Variants in ADCY8 observed in about 807,000 individuals in gnomAD.
The protein encoded by ADCY8 is adenylate cyclase type 8.
ADCY8 carries 51 observed loss-of-function variants against 119.7 expected under a neutral mutation model. The observed-to-expected ratio is 0.43, with a 90% confidence interval of 0.34 to 0.54. ADCY8 has a LOEUF of 0.54. Among genes scored for constraint, ADCY8 ranks in the 20% least tolerant of loss-of-function variants. ADCY8 has a pLI of 0.03. For missense variants in ADCY8, 1,383 were observed against 1,598.8 expected, an observed-to-expected ratio of 0.87 and a Z score of 2.30; for synonymous variants, 665 against 651.0, an observed-to-expected ratio of 1.02 and a Z score of -0.33.
At chr8:130,951,847 C>T in intron 3 of ADCY8, 21 bp downstream of exon 3, 1 of 1,613,352 alleles carries the variant, frequency 6.2e-7, no homozygotes, top group Non-Finnish European at 8.5e-7. Context: ...AGAGCCGGGG[C>T]AAGGGTGTTG....
chr8:131,039,789 T>C lies in ADCY8; in HGVS notation c.545A>G (p.Glu182Gly). 1 of 1,614,110 alleles carries C rather than the reference T, an allele frequency of 6.2e-7. No individual in the cohort carries two copies. Among genetic ancestry groups the C allele is most frequent in the Non-Finnish European group, 8.5e-7 (1 of 1,180,012 alleles). Residue 182 changes from glutamate to glycine, a missense_variant, in exon 1 of 18, where the codon GAA becomes GGA. Physicochemically the swap from Glu to Gly is moderately conservative, Grantham distance 98. Around this residue, in one of 2 missense-constraint regions of ADCY8, gnomAD observed 455 missense variants for 435.3 expected, o/e 1.05. Transcript: ENST00000286355. ...CACGTCCAGCACGTTCATCACCACT[T>C]CCGATTTGCGCCTTTGGCCCAAGAA... ...RYFLGQRRKS[E>G]VVMNVLDVLT...
intron 5 of ADCY8, among the ~76,000 whole-genome samples, chr8:130,916,658 C>T (rs1165309032): frequency 6.6e-6 from 1 of 152,228 alleles, no homozygotes; most frequent in Non-Finnish European, 1.5e-5. Context: ...CTGGCCCACC[C>T]AGGGCGGAAA....
intron 1 of ADCY8, among the ~76,000 whole-genome samples, chr8:131,017,774 T>C (rs1205457591): frequency 6.6e-6 from 1 of 151,720 alleles, no homozygotes; most frequent in Non-Finnish European, 1.5e-5. Flanking sequence ...AGCTTCCTTT[T>C]CCCCCTCAGA....
intron 1 of ADCY8, among the ~76,000 whole-genome samples, chr8:131,012,887 C>T (rs1237845096): frequency 6.6e-6 from 1 of 152,204 alleles, no homozygotes; most frequent in African/African-American, 2.4e-5. Flanking sequence ...CCAACCGAAT[C>T]CCTAATAAGC....
chr8:130,893,806 A>C (rs1196861600), intron 7 of ADCY8, among the ~76,000 whole-genome samples: 2 of 131,594 alleles, frequency 1.5e-5, no homozygotes, highest in South Asian at 5.0e-4. Context: ...GTGTGTGTGC[A>C]TGTTTATGCG....
chr8:130,931,630 T>C (rs2130610884), intron 5 of ADCY8, among the ~76,000 whole-genome samples: 1 of 152,292 alleles, frequency 6.6e-6, no homozygotes, highest in South Asian at 2.1e-4. Flanking sequence ...TTCTTTATAC[T>C]TCTTTATTCT....
chr8:130,784,235 T>A (rs1196733505), intron 16 of ADCY8, among the ~76,000 whole-genome samples: 3 of 98,822 alleles, frequency 3.0e-5, no homozygotes, highest in Non-Finnish European at 6.0e-5. Context: ...TGTGTGTGTA[T>A]ATGTGCTCTT....
intron 1 of ADCY8, among the ~76,000 whole-genome samples, chr8:130,995,607 T>G (rs1822748252): frequency 6.6e-6 from 1 of 152,156 alleles, no homozygotes; most frequent in Admixed American, 6.6e-5. Flanking sequence ...CTTCATTAGA[T>G]TTTTATCATT....
chr8:130,983,472 G>A (rs1822299106), intron 2 of ADCY8, among the ~76,000 whole-genome samples: 1 of 152,206 alleles, frequency 6.6e-6, no homozygotes, highest in South Asian at 2.1e-4. Context: ...TGGCAGAGAA[G>A]CAGAGAGGGA....
chr8:130,816,615 CAG>C (rs1816355022), intron 13 of ADCY8, among the ~76,000 whole-genome samples: 1 of 151,788 alleles, frequency 6.6e-6, no homozygotes, highest in Admixed American at 6.6e-5. Context: ...TTAGTAGAGA[CAG>C]GGTTTCACCG....
chr8:130,873,611 C>T (rs140279621), intron 8 of ADCY8, among the ~76,000 whole-genome samples: 1,732 of 152,234 alleles, frequency 0.011, 39 homozygotes, highest in African/African-American at 0.039. Context: ...TGAGCCACTA[C>T]GCCTGGCCAC....
intron 1 of ADCY8, among the ~76,000 whole-genome samples, chr8:131,003,760 G>T (rs1163248030): frequency 6.6e-6 from 1 of 152,130 alleles, no homozygotes; most frequent in East Asian, 1.9e-4. Context: ...TTTAAAACCT[G>T]GAGAGTTCTG....
rs370316114 is a variant in ADCY8, at chr8:130,870,255, G to A, written c.2110-2309C>T. On this transcript the variant is annotated intron_variant, in intron 8 of 17. Transcript: ENST00000286355. ...TCTCAAACTCCTGACCTTGTGATCC[G>A]CCCACCTCGGCCTCCTAAAGTGCTG... 1.1e-4 allele frequency among the ~76,000 whole-genome samples: 17 copies of A among 151,470 alleles called. 1 individual carries two copies. In the East Asian group the frequency reaches 1.8e-3, roughly 16 times the overall value.
chr8:131,019,831 C>G (rs866238003), intron 1 of ADCY8, among the ~76,000 whole-genome samples: 6,795 of 98,384 alleles, frequency 0.069, 196 homozygotes, highest in African/African-American at 0.1. Context: ...CTCTCTCTCT[C>G]TCTCTCTGTC....
intron 14 of ADCY8, among the ~76,000 whole-genome samples, chr8:130,805,132 T>G (rs1173740964): frequency 6.6e-6 from 1 of 152,182 alleles, no homozygotes; most frequent in Non-Finnish European, 1.5e-5. Flanking sequence ...GATAATAATA[T>G]TAGCTACTTT....
chr8:130,811,378 G>A (rs1208247596), intron 14 of ADCY8, among the ~76,000 whole-genome samples: 1 of 152,146 alleles, frequency 6.6e-6, no homozygotes, highest in Non-Finnish European at 1.5e-5. Context: ...AACATAAATG[G>A]CAGGGTACAG....
At chr8:130,826,069 G>A (rs1167278542) in intron 12 of ADCY8, among the ~76,000 whole-genome samples, 2 of 152,172 alleles carry the variant, frequency 1.3e-5, no homozygotes, top group Admixed American at 1.3e-4. Flanking sequence ...AATTGGAAAT[G>A]GTTCAGTGAA....
Position 130,943,479 on chromosome 8 carries a change from G to C in ADCY8, c.1242-17C>G. 2.6e-6 allele frequency: 3 copies of C among 1,170,362 alleles called. No homozygotes were observed. The highest frequency in any genetic ancestry group is 3.8e-6 in the Non-Finnish European group (3 of 789,852). 72.5% of individuals were successfully genotyped at this position (1,170,362 alleles called of 1,614,324 possible). The stretch of plus-strand genomic sequence containing the variant: ...AAAAGAATACTAAACACAGGGAAGA[G>C]GGTGGGGGTGGGGGGAGGAAGTATA... On this transcript the variant is annotated splice_polypyrimidine_tract_variant and intron_variant, in intron 3 of 17. Coordinates refer to ENST00000286355, the MANE Select transcript of ADCY8 (RefSeq NM_001115.3).
intron 2 of ADCY8, among the ~76,000 whole-genome samples, chr8:130,977,775 C>T (rs1481623227): frequency 1.3e-5 from 2 of 152,160 alleles, no homozygotes; most frequent in African/African-American, 4.8e-5. Flanking sequence ...GTGGCAGCAC[C>T]CAGATGTGCA....
Sources: gnomAD v4.1 joint callset for allele counts (sites outside exome capture counted in the v4.1 genomes callset) on GRCh38, gnomAD v4.1.1 for gene constraint, gnomAD v4.1.1 regional missense constraint, MANE v1.5 for transcripts, NCBI Gene and HGNC (gene_info 2026-07-23, HGNC 2026-07-21) for gene names.